SP3: variants seen among roughly 807,000 people sequenced by gnomAD.
SP3 encodes the protein Sp3 transcription factor, also known as transcription factor Sp3.
In SP3, 10 loss-of-function variants were observed where a neutral mutation model predicts 70.3. The observed-to-expected ratio is 0.14, with a 90% CI of 0.09 to 0.24. SP3 has a LOEUF of 0.24. SP3 is among the 10% of genes least tolerant of loss of function. SP3 has a pLI of 1.00. For missense variants in SP3, 825 were observed against 914.6 expected, an observed-to-expected ratio of 0.90 and a Z score of 1.26; for synonymous variants, 402 against 333.5, an observed-to-expected ratio of 1.21 and a Z score of -2.24.
intron 4 of SP3, among the ~76,000 whole-genome samples, chr2:173,931,325 T>TC (rs1231834397): frequency 1.4e-5 from 2 of 145,364 alleles, no homozygotes; most frequent in Admixed American, 1.4e-4. Context: ...GGTCAGGAGT[T>TC]CGAGACCAGC....
intron 4 of SP3, among the ~76,000 whole-genome samples, chr2:173,927,276 CTTT>C (rs34409340): frequency 1.4e-5 from 2 of 142,132 alleles, no homozygotes; most frequent in Admixed American, 7.0e-5. Flanking sequence ...AACTATATAT[CTTT>C]TTTTTTTTTT....
chr2:173,911,185 G>T (rs1216223240), intron 6 of SP3, among the ~76,000 whole-genome samples: 3 of 152,070 alleles, frequency 2.0e-5, no homozygotes, highest in South Asian at 4.2e-4. Flanking sequence ...CTTCCTTAAA[G>T]ACCAAATTTT....
intron 5 of SP3, chr2:173,915,341 T>C (rs372271106): frequency 4.6e-5 from 7 of 152,080 alleles, no homozygotes; most frequent in Non-Finnish European, 7.4e-5. Context: ...GATATAGATA[T>C]GGTAGATGTG....
At chr2:173,954,851 C>T in intron 4 of SP3, 22 bp downstream of exon 4, 1 of 1,597,038 alleles carries the variant, frequency 6.3e-7, no homozygotes, top group South Asian at 1.1e-5. Flanking sequence ...TTATTTATGG[C>T]ATGACATAAC....
intron 4 of SP3, among the ~76,000 whole-genome samples, chr2:173,954,383 C>T (rs1211971001): frequency 1.3e-5 from 2 of 152,108 alleles, no homozygotes; most frequent in South Asian, 2.1e-4. Context: ...CCATTTTACA[C>T]AACAAGGAAA....
Position 173,904,546 on chromosome 2 carries a change from A to T in SP3, c.*5395T>A, listed in dbSNP as rs1435788462. On this transcript the variant is annotated 3_prime_UTR_variant, in exon 7 of 7. Coordinates refer to ENST00000310015, the MANE Select transcript of SP3 (RefSeq NM_003111.5). ...CAAGTTATCAGGAATCAAGAAAGCC[A>T]TTTTCTTTTTCTTCTGGGGTTGAAT... 6.6e-6 allele frequency among the ~76,000 whole-genome samples: 1 copy of T among 152,156 alleles called. No homozygotes were observed. Among genetic ancestry groups the T allele is most frequent in the Non-Finnish European group, 1.5e-5 (1 of 67,998 alleles).
In SP3 at chr2:173,905,052, GTCTTT is replaced by G. The variant is rs1057490816; in HGVS notation, c.*4884_*4888del. On this transcript the variant is annotated 3_prime_UTR_variant, in exon 7 of 7. Coordinates refer to ENST00000310015, the MANE Select transcript of SP3 (RefSeq NM_003111.5). Reference sequence around the variant, plus strand: ...AGAAAATACACATTTAGGTGCTTCAGTCTTTTCTTCTTATTCCATCCTTTTCTGAT... The same window carrying G: ...AGAAAATACACATTTAGGTGCTTCAGTCTTCTTATTCCATCCTTTTCTGAT... Among the ~76,000 whole-genome samples the G allele has an allele frequency of 1.3e-5, 2 of 152,196 alleles. No homozygotes were observed. The highest frequency in any genetic ancestry group is 2.9e-5 in the Non-Finnish European group (2 of 68,026).
intron 4 of SP3, among the ~76,000 whole-genome samples, chr2:173,943,945 G>A (rs1055117492): frequency 2.6e-5 from 4 of 152,182 alleles, no homozygotes; most frequent in African/African-American, 9.7e-5. Flanking sequence ...AACCTGTATA[G>A]CAAGTTACTC....
intron 4 of SP3, among the ~76,000 whole-genome samples, chr2:173,944,375 A>T (rs577610818): frequency 7.9e-5 from 12 of 152,146 alleles, no homozygotes; most frequent in Non-Finnish European, 1.8e-4. Context: ...CTCTAGAAAA[A>T]ATACACAAGA....
At chr2:173,957,093 T>A (rs111698733) in intron 3 of SP3, among the ~76,000 whole-genome samples, 5 of 152,146 alleles carry the variant, frequency 3.3e-5, no homozygotes, top group Non-Finnish European at 7.4e-5. Context: ...AATGCAAATA[T>A]GATAAACAAA....
chr2:173,947,552 T>C (rs933661547), intron 4 of SP3, among the ~76,000 whole-genome samples: 5 of 152,272 alleles, frequency 3.3e-5, no homozygotes, highest in South Asian at 2.1e-4. Context: ...CAGGATTTGA[T>C]TGTTTTTCCG....
At chr2:173,948,709 A>G (rs563919833) in intron 4 of SP3, among the ~76,000 whole-genome samples, 2 of 152,298 alleles carry the variant, frequency 1.3e-5, no homozygotes, top group Admixed American at 1.3e-4. Context: ...TGTTTTCCAT[A>G]TCAAGCCATG....
At chr2:173,927,037 G>A (rs1317760120) in intron 4 of SP3, among the ~76,000 whole-genome samples, 1 of 152,090 alleles carries the variant, frequency 6.6e-6, no homozygotes, top group Non-Finnish European at 1.5e-5. Flanking sequence ...GAAGGCAAAA[G>A]GAGAGCTGGC....
intron 4 of SP3, among the ~76,000 whole-genome samples, chr2:173,946,118 T>TA (rs1347463486): frequency 1.3e-5 from 2 of 151,722 alleles, no homozygotes; most frequent in Non-Finnish European, 2.9e-5. Flanking sequence ...CAGAGCAAGA[T>TA]ACGGTCTCAA....
At position 173,909,829 on chromosome 2, in the gene SP3, G is replaced by C; in HGVS notation, c.*112C>G. ...CAGTGTCATGTATAACCAAGTTACT[G>C]TCAATCCAAAAATTTTTGCACATCA... On this transcript the variant is annotated 3_prime_UTR_variant, in exon 7 of 7. Coordinates refer to ENST00000310015, the MANE Select transcript of SP3 (RefSeq NM_003111.5). 2 of 941,560 alleles carry C rather than the reference G, an allele frequency of 2.1e-6. No individual in the cohort carries two copies. Among genetic ancestry groups the C allele is most frequent in the Non-Finnish European group, 3.2e-6 (2 of 633,332 alleles). 58.3% of individuals were successfully genotyped at this position (941,560 alleles called of 1,614,324 possible). A position where few individuals can be genotyped will look rare whatever the true frequency, so the allele number is the denominator to read the frequency against.
At chr2:173,960,322 A>T (rs1691026909) in intron 3 of SP3, among the ~76,000 whole-genome samples, 1 of 152,260 alleles carries the variant, frequency 6.6e-6, no homozygotes, top group African/African-American at 2.4e-5. Flanking sequence ...TTTGGAAATG[A>T]TTATTAACTT....
At chr2:173,963,172 A>AC (rs1691141704) in intron 3 of SP3, 1 of 151,168 alleles carries the variant, frequency 6.6e-6, no homozygotes, top group African/African-American at 2.4e-5. Flanking sequence ...TACCCCCCTT[A>AC]CAAAAAAAAA....
intron 4 of SP3, among the ~76,000 whole-genome samples, chr2:173,938,398 G>A (rs908264932): frequency 1.4e-5 from 2 of 147,386 alleles, no homozygotes; most frequent in African/African-American, 5.1e-5. Flanking sequence ...GGCAGAGGTT[G>A]CAGTGAGCCG....
At chr2:173,919,742 C>T (rs1011674367) in intron 4 of SP3, among the ~76,000 whole-genome samples, 4 of 152,110 alleles carry the variant, frequency 2.6e-5, no homozygotes, top group African/African-American at 9.7e-5. Context: ...AACTGAAACT[C>T]CCACAGTGAT....
Sources: allele counts gnomAD v4.1 joint callset (sites outside exome capture counted in the v4.1 genomes callset), GRCh38; gene constraint gnomAD v4.1.1; transcripts MANE v1.5; gene names NCBI Gene and HGNC (gene_info 2026-07-23, HGNC 2026-07-21).